DNAJA1: variants seen among roughly 807,000 people sequenced by gnomAD.
DNAJA1 encodes DnaJ heat shock protein family (Hsp40) member A1.
In DNAJA1, 26 loss-of-function variants were observed where a neutral mutation model predicts 47.6. That is an observed-to-expected ratio of 0.55 (90% confidence interval 0.40 to 0.76). The LOEUF is 0.76. Ranked by LOEUF, DNAJA1 falls within the 30% of genes least tolerant of loss-of-function variation. The probability of loss-of-function intolerance (pLI) is 0.00; values close to 1 mark genes in which losing one functional copy is unlikely to be tolerated. For missense variants in DNAJA1, 315 were observed against 485.0 expected (o/e 0.65, Z 3.29); for synonymous variants, 165 against 158.4 (o/e 1.04, Z -0.31).
At position 33,039,885 on chromosome 9, in the gene DNAJA1, T is replaced by A. The variant is rs1304660316; in HGVS notation, c.*982T>A. 4 of 152,184 alleles carry A rather than the reference T, an allele frequency of 2.6e-5. No individual in the cohort carries two copies. The highest frequency in any genetic ancestry group is 5.9e-5 in the Non-Finnish European group (4 of 68,042). 9.4% of individuals were successfully genotyped at this position (152,184 alleles called of 1,614,324 possible). A position where few individuals can be genotyped will look rare whatever the true frequency, so the allele number is the denominator to read the frequency against. ...CTTGAAATGTATTGTCTCCTTAATA[T>A]ACTAATTACAAAGCATCTCCAATGT... On this transcript the variant is annotated 3_prime_UTR_variant, in exon 9 of 9. Transcript: ENST00000330899.
chr9:33,030,371 C>G, intron 4 of DNAJA1, 69 bp from the exon 5 acceptor site: 1 of 1,429,440 alleles, frequency 7.0e-7, no homozygotes, highest in Non-Finnish European at 9.6e-7. Flanking sequence ...TAGGAATTGT[C>G]TTCTTAAAAC....
chr9:33,030,098 A>C, intron 4 of DNAJA1, 109 bp downstream of exon 4: 1 of 1,063,560 alleles, frequency 9.4e-7, no homozygotes, highest in Non-Finnish European at 1.3e-6. Context: ...ATTCATGTAC[A>C]CTACCTAGAT....
intron 4 of DNAJA1, 50 bp downstream of exon 4, chr9:33,030,039 ATGACAC>A: frequency 6.6e-7 from 1 of 1,512,916 alleles, no homozygotes; most frequent in Non-Finnish European, 9.1e-7. Context: ...CACCTTTAAT[ATGACAC>A]CTGAAAATGG....
At chr9:33,026,738 C>G in intron 2 of DNAJA1, 75 bp from the exon 3 acceptor site, 1 of 1,573,968 alleles carries the variant, frequency 6.4e-7, no homozygotes, top group Non-Finnish European at 8.6e-7. Context: ...GCCTTTTTAG[C>G]TAAGATCAAG....
In DNAJA1 at chr9:33,030,666, A is replaced by G. The variant is rs1267812327; in HGVS notation, c.642A>G (p.Lys214=). ...EKKILEVHID[K]GMKDGQKITF... is the part of the protein sequence containing the mutation. ...AAATTTTAGAAGTTCATATTGACAA[A>G]GGTGAGTTCTGAGTTACTTATTCTG... Residue 214 remains lysine, a splice_region_variant and synonymous_variant, in exon 5 of 9, where the codon AAA becomes AAG. Coordinates refer to ENST00000330899, the MANE Select transcript of DNAJA1 (RefSeq NM_001539.4). The G allele has an allele frequency of 3.1e-6, 5 of 1,608,916 alleles. No individual in the cohort carries two copies. The highest frequency in any genetic ancestry group is 2.5e-6 in the Non-Finnish European group (3 of 1,177,360).
chr9:33,027,609 T>A (rs1180420089), intron 3 of DNAJA1, among the ~76,000 whole-genome samples: 4 of 151,602 alleles, frequency 2.6e-5, no homozygotes, highest in African/African-American at 9.7e-5. Flanking sequence ...ATCCCAGCAC[T>A]TTGGGAGGCC....
intron 7 of DNAJA1, 93 bp downstream of exon 7, chr9:33,036,782 AC>A (rs1350982140): frequency 1.7e-5 from 16 of 925,200 alleles, no homozygotes; most frequent in Non-Finnish European, 2.6e-5. Flanking sequence ...ACTGAGGGAA[AC>A]CCATTGTTTT....
chr9:33,025,609 C>G (rs1393844561), intron 1 of DNAJA1, among the ~76,000 whole-genome samples: 1 of 152,094 alleles, frequency 6.6e-6, no homozygotes, highest in Non-Finnish European at 1.5e-5. Flanking sequence ...CCTCCTTCCC[C>G]AGCCTGGGAT....
chr9:33,034,615 C>T (rs1221449846), intron 6 of DNAJA1, among the ~76,000 whole-genome samples: 3 of 150,696 alleles, frequency 2.0e-5, no homozygotes, highest in Non-Finnish European at 4.5e-5. Context: ...AAAATTTGCC[C>T]TCAATCTTTG....
chr9:33,032,573 T>G (rs1173272708), intron 5 of DNAJA1, among the ~76,000 whole-genome samples: 1 of 152,238 alleles, frequency 6.6e-6, no homozygotes, highest in Non-Finnish European at 1.5e-5. Flanking sequence ...GGACTGTAAG[T>G]GAGAACTTGA....
chr9:33,027,024 A>T (rs747578951), intron 3 of DNAJA1, 34 bp downstream of exon 3: 1 of 1,608,222 alleles, frequency 6.2e-7, no homozygotes, highest in Non-Finnish European at 8.5e-7. Flanking sequence ...CAGCTAACTA[A>T]AGTTAGCTGT....
intron 1 of DNAJA1, among the ~76,000 whole-genome samples, 191 bp downstream of exon 1, chr9:33,025,574 G>A (rs1838797725): frequency 6.6e-6 from 1 of 152,152 alleles, no homozygotes; most frequent in Admixed American, 6.5e-5. Context: ...CACAGTGAAT[G>A]GGCCCGAGAC....
chr9:33,027,071 A>G (rs933419962), intron 3 of DNAJA1, 81 bp downstream of exon 3: 27 of 1,529,630 alleles, frequency 1.8e-5, no homozygotes, highest in Non-Finnish European at 2.2e-5. Context: ...ACCCATTTTA[A>G]ATGCTTGTTT....
chr9:33,035,747 G>T (rs555161631), intron 6 of DNAJA1, among the ~76,000 whole-genome samples: 1 of 152,082 alleles, frequency 6.6e-6, no homozygotes, highest in African/African-American at 2.4e-5. Flanking sequence ...GGGATTACAG[G>T]CATGAGCCAC....
In DNAJA1 at chr9:33,026,986, G is replaced by A; in HGVS notation, c.306G>A (p.Arg102=). 1.2e-6 allele frequency: 2 copies of A among 1,614,130 alleles called. No individual in the cohort carries two copies. Among genetic ancestry groups the A allele is most frequent in the Middle Eastern group, 1.7e-4 (1 of 6,060 alleles). ...GAGGAGGAAGGATGCAGAGAGAAAG[G>A]AGAGGTAAGAAGAATCTAGTCTTTG... ...FGGGGRMQRE[R]RGKNVVHQLS... The change falls in exon 3 of 9, where the codon AGG becomes AGA. Residue 102 remains arginine, a synonymous_variant. Coordinates refer to ENST00000330899, the MANE Select transcript of DNAJA1 (RefSeq NM_001539.4).
In DNAJA1 at chr9:33,026,721, C is replaced by T. The variant is rs558550247; in HGVS notation, c.133-92C>T. On this transcript the variant is annotated intron_variant, in intron 2 of 8. Coordinates refer to ENST00000330899, the MANE Select transcript of DNAJA1 (RefSeq NM_001539.4). ...GTATCTAATATAGTAACTATGATCA[C>T]TTCTCGGCCTTTTTAGCTAAGATCA... 5.1e-6 allele frequency: 8 copies of T among 1,568,616 alleles called. No homozygotes were observed. In the African/African-American group the frequency reaches 9.6e-5, roughly 19 times the overall value.
chr9:33,038,742 C>A lies in DNAJA1; in HGVS notation c.1033C>A (p.Leu345Ile). Reference sequence around the variant, plus strand: ...TGATAAACTGTCTTTGCTGGAAAAACTCCTACCCGAGAGGAAGGAAGTGGA... The same window carrying A: ...TGATAAACTGTCTTTGCTGGAAAAAATCCTACCCGAGAGGAAGGAAGTGGA... ...SPDKLSLLEKLLPERKEVEET... is the reference protein window; with the variant it reads ...SPDKLSLLEKILPERKEVEET... Residue 345 changes from leucine (L) to isoleucine (I), a missense_variant, in exon 9 of 9, where the codon CTC becomes ATC. Coordinates refer to ENST00000330899, the MANE Select transcript of DNAJA1 (RefSeq NM_001539.4). The A allele has an allele frequency of 6.2e-7, 1 of 1,614,136 alleles. No individual in the cohort carries two copies. The highest frequency in any genetic ancestry group is 1.1e-5 in the South Asian group (1 of 91,084).
intron 4 of DNAJA1, 150 bp downstream of exon 4, chr9:33,030,139 A>G: frequency 1.3e-6 from 1 of 762,712 alleles, no homozygotes; most frequent in Non-Finnish European, 2.0e-6. Flanking sequence ...ATATGAAGAA[A>G]ACCAACTGAA....
chr9:33,035,611 A>G (rs1199649849), intron 6 of DNAJA1, among the ~76,000 whole-genome samples: 1 of 151,926 alleles, frequency 6.6e-6, no homozygotes, highest in African/African-American at 2.4e-5. Flanking sequence ...CTGGGATTAC[A>G]GGCGCCCACC....
Sources: gnomAD v4.1 joint callset for allele counts (sites outside exome capture counted in the v4.1 genomes callset) on GRCh38, gnomAD v4.1.1 for gene constraint, MANE v1.5 for transcripts, NCBI Gene and HGNC (gene_info 2026-07-23, HGNC 2026-07-21) for gene names.